MCU: variants seen among roughly 807,000 people sequenced by gnomAD.
MCU encodes the protein mitochondrial calcium uniporter.
In MCU, 12 loss-of-function variants were observed where a neutral mutation model predicts 45.2. The observed-to-expected ratio is 0.27, with a 90% CI of 0.17 to 0.43. The LOEUF is 0.43. Ranked by LOEUF, MCU falls within the 20% of genes least tolerant of loss-of-function variation. The pLI, the probability that MCU is intolerant of heterozygous loss-of-function variation, is 1.00. For synonymous variants in MCU, 160 were observed against 165.1 expected, an observed-to-expected ratio of 0.97 and a Z score of 0.24; for missense variants, 324 against 436.7, an observed-to-expected ratio of 0.74 and a Z score of 2.30.
intron 1 of MCU, among the ~76,000 whole-genome samples, chr10:72,752,823 A>G (rs978012298): frequency 1.3e-5 from 2 of 152,242 alleles, no homozygotes; most frequent in African/African-American, 4.8e-5. Context: ...TATCCCAAAC[A>G]TTACAGTAAA....
chr10:72,801,453 C>T (rs1417187962), intron 1 of MCU, among the ~76,000 whole-genome samples: 2 of 148,608 alleles, frequency 1.3e-5, no homozygotes, highest in South Asian at 2.1e-4. Flanking sequence ...CCAGCCAGTA[C>T]TGGAGCTAAC....
At chr10:72,837,792 A>G (rs1037592322) in intron 2 of MCU, among the ~76,000 whole-genome samples, 1 of 151,630 alleles carries the variant, frequency 6.6e-6, no homozygotes, top group Non-Finnish European at 1.5e-5. Flanking sequence ...TGCTGTAGAC[A>G]GTTTGTATAA....
At chr10:72,739,265 A>G (rs1260392081) in intron 1 of MCU, among the ~76,000 whole-genome samples, 1 of 152,198 alleles carries the variant, frequency 6.6e-6, no homozygotes, top group Non-Finnish European at 1.5e-5. Context: ...TGAAGTTCAT[A>G]TATTTGAATT....
chr10:72,705,713 G>A (rs1422977184), intron 1 of MCU, among the ~76,000 whole-genome samples: 2 of 152,200 alleles, frequency 1.3e-5, no homozygotes, highest in South Asian at 2.1e-4. Flanking sequence ...AGCTACTTGG[G>A]GGGCTGAGGC....
At chr10:72,801,827 A>G (rs1308605848) in intron 1 of MCU, among the ~76,000 whole-genome samples, 1 of 151,426 alleles carries the variant, frequency 6.6e-6, no homozygotes, top group South Asian at 2.1e-4. Context: ...ACACACCACT[A>G]TGCCTGGCTA....
chr10:72,819,332 C>CA (rs1646752062), intron 1 of MCU, among the ~76,000 whole-genome samples: 1 of 152,214 alleles, frequency 6.6e-6, no homozygotes, highest in African/African-American at 2.4e-5. Flanking sequence ...TAGCTACACA[C>CA]ATACAATCAA....
At chr10:72,877,305 T>G (rs1373907873) in intron 6 of MCU, among the ~76,000 whole-genome samples, 1 of 152,190 alleles carries the variant, frequency 6.6e-6, no homozygotes, top group African/African-American at 2.4e-5. Flanking sequence ...CAGAAAGATT[T>G]GAATAAACTT....
chr10:72,716,822 G>T lies in MCU; in HGVS notation c.150+24521G>T, dbSNP rs533225673. ...AGGAAATTTGAGGCTGCAGTGAGCTGTGATCACGCCATTGTACTCCAGCCT... is the reference window on the plus strand; with the variant it reads ...AGGAAATTTGAGGCTGCAGTGAGCTTTGATCACGCCATTGTACTCCAGCCT... On this transcript the variant is annotated intron_variant, in intron 1 of 7. Coordinates refer to ENST00000373053, the MANE Select transcript of MCU (RefSeq NM_138357.3). Among the ~76,000 whole-genome samples the T allele has an allele frequency of 3.9e-5, 6 of 152,190 alleles. No homozygotes were observed. In the South Asian group the frequency reaches 1.2e-3, roughly 32 times the overall value.
intron 1 of MCU, among the ~76,000 whole-genome samples, chr10:72,797,481 C>T (rs1564559544): frequency 2.0e-5 from 3 of 150,802 alleles, no homozygotes; most frequent in Non-Finnish European, 4.4e-5. Flanking sequence ...CCATCTCAGC[C>T]TCTCAAAGTG....
intron 1 of MCU, among the ~76,000 whole-genome samples, chr10:72,791,858 A>G (rs1412421353): frequency 2.0e-5 from 3 of 152,214 alleles, no homozygotes; most frequent in South Asian, 2.1e-4. Context: ...AAAAAACTAA[A>G]AAGATTTTTA....
At chr10:72,750,254 A>C (rs889099019) in intron 1 of MCU, among the ~76,000 whole-genome samples, 4 of 152,202 alleles carry the variant, frequency 2.6e-5, no homozygotes, top group African/African-American at 9.6e-5. Context: ...AAAGGTAAAT[A>C]ATTTTAATTT....
chr10:72,871,731 TATTCTAAGCA>T, intron 6 of MCU, 151 bp downstream of exon 6: 2 of 661,588 alleles, frequency 3.0e-6, no homozygotes, highest in East Asian at 5.4e-5. Context: ...TATTAGGCAA[TATTCTAAGCA>T]AGTGCTGTAG....
In MCU at chr10:72,832,934, A is replaced by ATGTGTGTGTGTG. The variant is rs6143982; in HGVS notation, c.151-1409_151-1398dup. On this transcript the variant is annotated intron_variant, in intron 1 of 7. Transcript: ENST00000373053. ...ATACTGTTTTTTGAAACCAATAGCTATGTGTGTGTGTGTGTGTGTGTGTGT... is the reference window on the plus strand; with the variant it reads ...ATACTGTTTTTTGAAACCAATAGCTATGTGTGTGTGTGTGTGTGTGTGTGTGTGTGTGTGTGT... 1.3e-3 allele frequency among the ~76,000 whole-genome samples: 183 copies of ATGTGTGTGTGTG among 143,866 alleles called. 3 individuals carry two copies. The highest frequency in any genetic ancestry group is 2.0e-3 in the African/African-American group (78 of 39,472). 94.4% of individuals were successfully genotyped at this position (143,866 alleles called of 152,430 possible).
intron 1 of MCU, among the ~76,000 whole-genome samples, chr10:72,798,323 G>T (rs916299976): frequency 1.3e-5 from 2 of 152,024 alleles, no homozygotes; most frequent in Non-Finnish European, 2.9e-5. Context: ...ATGGAGTCTC[G>T]CTCTGTTGCC....
At chr10:72,743,757 G>C (rs1843370317) in intron 1 of MCU, among the ~76,000 whole-genome samples, 1 of 152,126 alleles carries the variant, frequency 6.6e-6, no homozygotes, top group African/African-American at 2.4e-5. Flanking sequence ...GTGGCTATGA[G>C]GAAGTCATGA....
At chr10:72,760,284 C>G (rs538063406) in intron 1 of MCU, among the ~76,000 whole-genome samples, 4 of 152,128 alleles carry the variant, frequency 2.6e-5, no homozygotes, top group African/African-American at 9.6e-5. Flanking sequence ...GTCCTGGGCT[C>G]AAGCGATCCT....
At chr10:72,728,944 A>C (rs1843135455) in intron 1 of MCU, among the ~76,000 whole-genome samples, 1 of 152,196 alleles carries the variant, frequency 6.6e-6, no homozygotes, top group African/African-American at 2.4e-5. Context: ...CTATGTTTCC[A>C]GTGAGTAGAG....
chr10:72,846,186 G>T (rs1173638974), intron 2 of MCU, among the ~76,000 whole-genome samples: 1 of 152,036 alleles, frequency 6.6e-6, no homozygotes, highest in Admixed American at 6.5e-5. Flanking sequence ...GGGATTACAG[G>T]TGCCTGCCAC....
At position 72,763,400 on chromosome 10, in the gene MCU, A is replaced by G. The variant is rs371135825; in HGVS notation, c.151-70959A>G. 4.5e-3 allele frequency among the ~76,000 whole-genome samples: 679 copies of G among 152,258 alleles called. 5 individuals are homozygous for G. The highest frequency in any genetic ancestry group is 0.016 in the African/African-American group (646 of 41,548). ...GTCTCAAACTGGGTGAAGCGGGAGT[A>G]TGAGTGGCTGCTGGCTGGGTGTCAA... On this transcript the variant is annotated intron_variant, in intron 1 of 7. Transcript: ENST00000373053.
Sources: allele counts gnomAD v4.1 joint callset (sites outside exome capture counted in the v4.1 genomes callset), GRCh38; gene constraint gnomAD v4.1.1; transcripts MANE v1.5; gene names NCBI Gene and HGNC (gene_info 2026-07-23, HGNC 2026-07-21).